The following NEBL variants were observed in gnomAD, a reference collection of about 807,000 sequenced individuals.
The protein encoded by NEBL is LIM and SH3 protein 2.
NEBL carries 122 observed loss-of-function variants against 140.2 expected under a neutral mutation model. That is an observed-to-expected ratio of 0.87 (90% CI 0.75 to 1.01). The LOEUF (loss-of-function observed/expected upper bound fraction) is 1.01. NEBL is among the 50% of genes least tolerant of loss of function. The pLI is 0.00. For synonymous variants in NEBL, 436 were observed against 398.9 expected, an observed-to-expected ratio of 1.09 and a Z score of -1.11; for missense variants, 1,365 against 1,231.3, an observed-to-expected ratio of 1.11 and a Z score of -1.62.
intron 3 of NEBL, among the ~76,000 whole-genome samples, chr10:20,997,837 C>T (rs923748002): frequency 5.9e-5 from 9 of 152,016 alleles, no homozygotes; most frequent in African/African-American, 1.2e-4. Context: ...AACATGAGGA[C>T]ATTTATTCAA....
intron 2 of NEBL, among the ~76,000 whole-genome samples, chr10:21,067,192 C>T (rs1405133285): frequency 6.6e-6 from 1 of 152,002 alleles, no homozygotes; most frequent in East Asian, 1.9e-4. Context: ...AGGATGGTCT[C>T]GATCTCCTGA....
chr10:21,051,496 T>C (rs77614538), intron 2 of NEBL, among the ~76,000 whole-genome samples: 2,574 of 151,996 alleles, frequency 0.017, 69 homozygotes, highest in African/African-American at 0.059. Flanking sequence ...CCAAAGAAAA[T>C]ATCTACATAA....
At chr10:20,788,291 A>T (rs113071729) in intron 26 of NEBL, among the ~76,000 whole-genome samples, 1 of 152,190 alleles carries the variant, frequency 6.6e-6, no homozygotes, top group Non-Finnish European at 1.5e-5. Flanking sequence ...ACTTATAGTC[A>T]TATGTGCTAT....
chr10:21,179,767 C>T (rs1241532593), upstream of NEBL, among the ~76,000 whole-genome samples: 4 of 150,490 alleles, frequency 2.7e-5, no homozygotes, highest in Non-Finnish European at 4.4e-5. Flanking sequence ...TTTGAAGATG[C>T]TACACTGCTG....
intron 6 of NEBL, among the ~76,000 whole-genome samples, chr10:20,869,444 CTG>C (rs1446985851): frequency 1.3e-5 from 2 of 152,138 alleles, no homozygotes; most frequent in African/African-American, 4.8e-5. Flanking sequence ...GACCATATGA[CTG>C]ATAACCCTGA....
chr10:21,028,235 CAAAA>C (rs1168946872), intron 2 of NEBL, among the ~76,000 whole-genome samples: 1,275 of 66,150 alleles, frequency 0.019, 40 homozygotes, highest in African/African-American at 0.076. Flanking sequence ...TCAAACATCT[CAAAA>C]AAAAAAAAAA....
At chr10:20,937,639 G>C (rs1231198820) in intron 4 of NEBL, among the ~76,000 whole-genome samples, 9 of 152,152 alleles carry the variant, frequency 5.9e-5, no homozygotes, top group Admixed American at 5.2e-4. Flanking sequence ...AGCAGGGTGA[G>C]GCATCGCCTC....
At chr10:21,125,899 T>C (rs1838803266) in intron 2 of NEBL, 4 of 1,614,086 alleles carry the variant, frequency 2.5e-6, no homozygotes, top group African/African-American at 1.3e-5. Context: ...AAATCCATGC[T>C]TCCCTTTGGT....
intron 4 of NEBL, among the ~76,000 whole-genome samples, chr10:20,935,741 G>A (rs1211846592): frequency 6.6e-6 from 1 of 152,098 alleles, no homozygotes; most frequent in Non-Finnish European, 1.5e-5. Flanking sequence ...GAATCATTAG[G>A]AAATTATCTA....
At chr10:21,158,675 C>T (rs922045986) in intron 2 of NEBL, among the ~76,000 whole-genome samples, 5 of 152,192 alleles carry the variant, frequency 3.3e-5, no homozygotes, top group Non-Finnish European at 5.9e-5. Context: ...AAGATGCCAC[C>T]CTCTGGATGG....
chr10:20,980,334 C>CA (rs1836985141), intron 3 of NEBL, among the ~76,000 whole-genome samples: 1 of 116,788 alleles, frequency 8.6e-6, no homozygotes, highest in Admixed American at 8.5e-5. Flanking sequence ...TGTTCCAGAA[C>CA]AAAAAGAACA....
At chr10:21,027,549 C>T (rs562566993) in intron 2 of NEBL, among the ~76,000 whole-genome samples, 2 of 152,132 alleles carry the variant, frequency 1.3e-5, no homozygotes, top group South Asian at 4.1e-4. Flanking sequence ...GGCTGGATCT[C>T]GAACTCCTGG....
intron 3 of NEBL, among the ~76,000 whole-genome samples, chr10:20,977,081 G>A (rs535269508): frequency 7.9e-5 from 12 of 152,118 alleles, no homozygotes; most frequent in Non-Finnish European, 1.2e-4. Flanking sequence ...TTCAGTCAAA[G>A]ATAAAGTTTC....
At chr10:20,997,511 A>C (rs1404338494) in intron 3 of NEBL, among the ~76,000 whole-genome samples, 2 of 133,474 alleles carry the variant, frequency 1.5e-5, no homozygotes, top group Non-Finnish European at 3.2e-5. Context: ...AAAAAAAAAA[A>C]AAACAGAACT....
chr10:21,054,351 C>T (rs778283074), intron 2 of NEBL, among the ~76,000 whole-genome samples: 2 of 152,006 alleles, frequency 1.3e-5, no homozygotes, highest in Non-Finnish European at 2.9e-5. Flanking sequence ...TTATTTTTCC[C>T]AGTTGGTTGT....
chr10:20,904,651 C>CAT (rs142451855), intron 4 of NEBL, among the ~76,000 whole-genome samples: 2,739 of 152,234 alleles, frequency 0.018, 41 homozygotes, highest in Non-Finnish European at 0.027. Flanking sequence ...TGTGCTTGTA[C>CAT]ATATGTACAT....
chr10:20,910,176 T>G (rs1848271376), intron 4 of NEBL, among the ~76,000 whole-genome samples: 2 of 152,194 alleles, frequency 1.3e-5, no homozygotes, highest in Non-Finnish European at 1.5e-5. Flanking sequence ...GAGGACATAC[T>G]TTTTTAAAAA....
At position 20,936,374 on chromosome 10, in the gene NEBL, C is replaced by A. The variant is rs528100142; in HGVS notation, c.357+25298G>T. Among the ~76,000 whole-genome samples, 69 of 152,316 alleles carry A rather than the reference C, an allele frequency of 4.5e-4. 1 individual carries two copies. The highest frequency in any genetic ancestry group is 1.6e-3 in the African/African-American group (67 of 41,574). ...CAGAACTCAGGTCTAGTCTGTCTCTCAAATCAGCTGTTTATGCCTAACAGG... is the reference window on the plus strand; with the variant it reads ...CAGAACTCAGGTCTAGTCTGTCTCTAAAATCAGCTGTTTATGCCTAACAGG... On this transcript the variant is annotated intron_variant, in intron 4 of 6. Transcript: ENST00000417816.
intron 3 of NEBL, among the ~76,000 whole-genome samples, chr10:21,204,740 G>A (rs1841799264): frequency 6.6e-6 from 1 of 152,186 alleles, no homozygotes; most frequent in African/African-American, 2.4e-5. Flanking sequence ...GGGGTGGGCA[G>A]AGCATTGTCA....
Sources: gnomAD v4.1 joint callset for allele counts (sites outside exome capture counted in the v4.1 genomes callset) on GRCh38, gnomAD v4.1.1 for gene constraint, MANE v1.5 for transcripts, NCBI Gene and HGNC (gene_info 2026-07-23, HGNC 2026-07-21) for gene names.